SUPT3H: variants seen among roughly 807,000 people sequenced by gnomAD.
SUPT3H encodes SPT3 homolog, SAGA and STAGA complex component, also known as transcription initiation protein SPT3 homolog.
A neutral mutation model predicts 44.3 loss-of-function variants in SUPT3H; 44 were observed. That is an observed-to-expected ratio of 0.99 (90% CI 0.78 to 1.28). The LOEUF (loss-of-function observed/expected upper bound fraction) is 1.28, where lower values mean the gene tolerates loss of function less well. Ranked by LOEUF, SUPT3H falls within the 50% of genes most tolerant of loss-of-function variation. The probability of loss-of-function intolerance (pLI) is 0.00; values close to 1 mark genes in which losing one functional copy is unlikely to be tolerated. For synonymous variants in SUPT3H, 124 were observed against 125.6 expected, an observed-to-expected ratio of 0.99 and a Z score of 0.09; for missense variants, 380 against 387.1, an observed-to-expected ratio of 0.98 and a Z score of 0.15.
intron 10 of SUPT3H, among the ~76,000 whole-genome samples, chr6:44,832,233 A>T (rs1000999603): frequency 2.6e-5 from 4 of 152,122 alleles, no homozygotes; most frequent in Admixed American, 1.3e-4. Flanking sequence ...TCAACTGTAA[A>T]TTTCTCTCTA....
At chr6:45,308,971 A>C (rs1783546744) in intron 2 of SUPT3H, among the ~76,000 whole-genome samples, 2 of 151,448 alleles carry the variant, frequency 1.3e-5, no homozygotes. Flanking sequence ...AGAATGTCTA[A>C]ATATTTGGAA....
intron 2 of SUPT3H, among the ~76,000 whole-genome samples, chr6:45,306,652 G>C (rs191146174): frequency 6.6e-6 from 1 of 152,084 alleles, no homozygotes; most frequent in Admixed American, 6.6e-5. Context: ...GAATACAATC[G>C]GGCGGTTCCA....
intron 2 of SUPT3H, among the ~76,000 whole-genome samples, chr6:45,352,305 A>G (rs1045392152): frequency 6.6e-6 from 1 of 152,162 alleles, no homozygotes; most frequent in Non-Finnish European, 1.5e-5. Flanking sequence ...CTCAAAACTG[A>G]TATTATGTTT....
At chr6:45,110,008 C>T (rs192726507) in intron 2 of SUPT3H, among the ~76,000 whole-genome samples, 5 of 152,116 alleles carry the variant, frequency 3.3e-5, no homozygotes, top group Non-Finnish European at 7.4e-5. Context: ...TTTCAGGAAA[C>T]CTTCTGAAAA....
At chr6:44,825,819 C>T (rs1295004683), downstream of SUPT3H, among the ~76,000 whole-genome samples, 1 of 152,010 alleles carries the variant, frequency 6.6e-6, no homozygotes, top group Non-Finnish European at 1.5e-5. Flanking sequence ...TCTTTACCCT[C>T]CTTTGAAAAA....
At chr6:45,368,517 T>C (rs1795526576) in intron 1 of SUPT3H, among the ~76,000 whole-genome samples, 1 of 152,182 alleles carries the variant, frequency 6.6e-6, no homozygotes, top group East Asian at 1.9e-4. Context: ...ACTGGGTTTC[T>C]AGTTAGATCT....
rs763775731 is a variant in SUPT3H, at chr6:45,328,410, A to C, written c.101+36791T>G. 5 of 1,425,596 alleles carry C rather than the reference A, an allele frequency of 3.5e-6. No homozygotes were observed. In the African/African-American group the frequency reaches 7.1e-5, roughly 20 times the overall value. The allele number at this position is 1,425,596 out of a possible 1,614,324, so 88.3% of individuals were successfully genotyped here. On this transcript the variant is annotated intron_variant, in intron 2 of 10. Transcript: ENST00000371459. ...GGACAGCAAGAAGTCTCTGGTTTTTAAATGGTTAATCTCCGCAGGTCACTA... is the reference window on the plus strand; with the variant it reads ...GGACAGCAAGAAGTCTCTGGTTTTTCAATGGTTAATCTCCGCAGGTCACTA...
chr6:44,829,718 T>TAAAAG lies in SUPT3H; in HGVS notation c.*93_*97dup. 2 of 1,424,010 alleles carry TAAAAG rather than the reference T, an allele frequency of 1.4e-6. No homozygotes were observed. The highest frequency in any genetic ancestry group is 2.0e-6 in the Non-Finnish European group (2 of 1,024,544). The allele number at this position is 1,424,010 out of a possible 1,614,324, so 88.2% of individuals were successfully genotyped here. A position where few individuals can be genotyped will look rare whatever the true frequency, so the allele number is the denominator to read the frequency against. ...CAACAGACCAGCCCACTCCCTCAGATAAAAGAAAGGTAAATTTGTATTTTA... is the reference window on the plus strand; with the variant it reads ...CAACAGACCAGCCCACTCCCTCAGATAAAAGAAAAGAAAGGTAAATTTGTATTTTA... On this transcript the variant is annotated 3_prime_UTR_variant, in exon 11 of 11. Coordinates refer to ENST00000371459, the MANE Select transcript of SUPT3H (RefSeq NM_003599.4).
chr6:44,864,589 T>C (rs1237374336), intron 10 of SUPT3H, among the ~76,000 whole-genome samples: 1 of 152,216 alleles, frequency 6.6e-6, no homozygotes, highest in Non-Finnish European at 1.5e-5. Context: ...ACTGGCAGGC[T>C]CAACACCACG....
intron 3 of SUPT3H, among the ~76,000 whole-genome samples, chr6:45,023,186 T>C (rs540706091): frequency 1.3e-5 from 2 of 151,072 alleles, no homozygotes; most frequent in African/African-American, 4.9e-5. Flanking sequence ...GTAACACTGA[T>C]CATTAAGAGA....
At chr6:45,170,001 T>C (rs1810513030) in intron 2 of SUPT3H, among the ~76,000 whole-genome samples, 1 of 152,206 alleles carries the variant, frequency 6.6e-6, no homozygotes, top group South Asian at 2.1e-4. Context: ...GGGGTGGGAA[T>C]GGTCACACAT....
At chr6:45,348,330 T>C (rs1791304412) in intron 2 of SUPT3H, among the ~76,000 whole-genome samples, 1 of 151,624 alleles carries the variant, frequency 6.6e-6, no homozygotes, top group Non-Finnish European at 1.5e-5. Flanking sequence ...TAAAAAAAAA[T>C]TCTCTACCAT....
chr6:44,826,103 G>C (rs1173224551), downstream of SUPT3H, among the ~76,000 whole-genome samples: 4 of 152,050 alleles, frequency 2.6e-5, no homozygotes, highest in African/African-American at 7.2e-5. Flanking sequence ...TACAACATTT[G>C]AGACTTTCTT....
At chr6:45,223,040 G>A (rs1378070970) in intron 2 of SUPT3H, among the ~76,000 whole-genome samples, 1 of 152,080 alleles carries the variant, frequency 6.6e-6, no homozygotes, top group Non-Finnish European at 1.5e-5. Context: ...TAGGGAAAGA[G>A]GTAGAGAATA....
intron 2 of SUPT3H, among the ~76,000 whole-genome samples, chr6:45,190,534 T>C (rs1814956316): frequency 1.3e-5 from 2 of 152,254 alleles, no homozygotes; most frequent in South Asian, 4.1e-4. Flanking sequence ...TGGGTTATTC[T>C]CATTTAAACT....
chr6:45,217,469 C>T (rs534459830), intron 2 of SUPT3H, among the ~76,000 whole-genome samples: 13 of 146,142 alleles, frequency 8.9e-5, no homozygotes, highest in East Asian at 6.1e-4. Flanking sequence ...AGCAAGATTC[C>T]GCCTCAAAAA....
intron 10 of SUPT3H, among the ~76,000 whole-genome samples, chr6:44,867,412 T>TA (rs1301141525): frequency 6.6e-6 from 1 of 152,128 alleles, no homozygotes; most frequent in East Asian, 1.9e-4. Context: ...CCTTTTTTAA[T>TA]AAAATTCATG....
intron 10 of SUPT3H, among the ~76,000 whole-genome samples, chr6:44,894,712 A>G (rs1763847896): frequency 6.6e-6 from 1 of 151,840 alleles, no homozygotes; most frequent in African/African-American, 2.4e-5. Context: ...CGGTTTTTCA[A>G]ATTATTTATA....
At chr6:45,199,270 AC>A (rs1463555337) in intron 2 of SUPT3H, among the ~76,000 whole-genome samples, 2 of 151,294 alleles carry the variant, frequency 1.3e-5, no homozygotes, top group South Asian at 2.1e-4. Flanking sequence ...CCAGAAAAAA[AC>A]AACTCAGCTT....
Sources: allele counts gnomAD v4.1 joint callset (sites outside exome capture counted in the v4.1 genomes callset), GRCh38; gene constraint gnomAD v4.1.1; transcripts MANE v1.5; gene names NCBI Gene and HGNC (gene_info 2026-07-23, HGNC 2026-07-21).